TMEM171: variants seen among roughly 807,000 people sequenced by gnomAD.
TMEM171 encodes transmembrane protein 171.
In TMEM171, 16 loss-of-function variants were observed where a neutral mutation model predicts 19.1. That is an observed-to-expected ratio of 0.84 (90% CI 0.57 to 1.27). The LOEUF is 1.27. Among genes scored for constraint, TMEM171 ranks in the 50% most tolerant of loss-of-function variants. The pLI, the probability that TMEM171 is intolerant of heterozygous loss-of-function variation, is 0.00. For missense variants in TMEM171, 429 were observed against 412.7 expected (o/e 1.04, Z -0.34); for synonymous variants, 153 against 163.4 (o/e 0.94, Z 0.48).
intron 2 of TMEM171, among the ~76,000 whole-genome samples, chr5:73,127,729 G>A (rs1744213501): frequency 2.1e-5 from 3 of 142,292 alleles, no homozygotes; most frequent in Admixed American, 2.1e-4. Flanking sequence ...ACAGGCGTGA[G>A]CCACCACGCC....
At position 73,120,633 on chromosome 5, in the gene TMEM171, C is replaced by T. The variant is rs893620430; in HGVS notation, c.-132C>T. On this transcript the variant is annotated 5_prime_UTR_variant, in exon 1 of 4. Coordinates refer to ENST00000454765, the MANE Select transcript of TMEM171 (RefSeq NM_173490.8). Reference sequence around the variant, plus strand: ...GCGCAGCCGAGGCCGCGTGCGGAGGCGGACGCCGCGCCCAGCCAGTGCCCA... The same window carrying T: ...GCGCAGCCGAGGCCGCGTGCGGAGGTGGACGCCGCGCCCAGCCAGTGCCCA... 15 of 984,674 alleles carry T rather than the reference C, an allele frequency of 1.5e-5. No homozygotes were observed. In the African/African-American group the frequency reaches 2.3e-4, roughly 15 times the overall value. The allele number at this position is 984,674 out of a possible 1,614,324, so 61.0% of individuals were successfully genotyped here.
chr5:73,128,295 A>G (rs1220398794), intron 2 of TMEM171, 95 bp from the exon 3 acceptor site: 2 of 1,479,642 alleles, frequency 1.4e-6, no homozygotes, highest in East Asian at 2.3e-5. Context: ...TTGACCTTTT[A>G]TATAGATGGG....
Position 73,123,846 on chromosome 5 carries a change from G to C in TMEM171, c.473G>C (p.Cys158Ser). 6.2e-7 allele frequency: 1 copy of C among 1,613,778 alleles called. No homozygotes were observed. The change falls in exon 2 of 4, where the codon TGT (cysteine) becomes TCT (serine). Residue 158 changes from cysteine to serine, a missense_variant. Transcript: ENST00000454765. ...TDTGDSEPRM[C>S]GFLSLQIMGP... ...ACTGGCGACTCAGAGCCCCGGATGTGTGGGTTCCTTTCTCTGCAGATCATG... is the reference window on the plus strand; with the variant it reads ...ACTGGCGACTCAGAGCCCCGGATGTCTGGGTTCCTTTCTCTGCAGATCATG...
chr5:73,128,985 C>T (rs144173770), intron 3 of TMEM171, among the ~76,000 whole-genome samples: 43 of 152,218 alleles, frequency 2.8e-4, no homozygotes, highest in African/African-American at 8.7e-4. Context: ...CCTAGCTACT[C>T]GGGAGGCTGA....
chr5:73,127,384 A>AATATATATATATATATATAT (rs59879336), intron 2 of TMEM171, among the ~76,000 whole-genome samples: 26 of 81,650 alleles, frequency 3.2e-4, no homozygotes, highest in African/African-American at 1.1e-3. Context: ...AAAAAAAAAA[A>AATATATATATATATATATAT]ATATATATAT....
At chr5:73,127,983 G>A (rs1744224170) in intron 2 of TMEM171, among the ~76,000 whole-genome samples, 1 of 152,088 alleles carries the variant, frequency 6.6e-6, no homozygotes, top group Non-Finnish European at 1.5e-5. Context: ...GGGCTCAAGC[G>A]ATCCTTCCTC....
At position 73,128,511 on chromosome 5, in the gene TMEM171, T is replaced by C. The variant is rs1465041764; in HGVS notation, c.762T>C (p.Tyr254=). Reference sequence around the variant, plus strand: ...TTCCGAATGAAAACCCCCCTTCATATTACAGTATTTTCAACTATGGGTAAG... The same window carrying C: ...TTCCGAATGAAAACCCCCCTTCATACTACAGTATTTTCAACTATGGGTAAG... ...SLLPNENPPS[Y]YSIFNYGRTP... Residue 254 remains tyrosine (Y), a synonymous_variant, in exon 3 of 4, where the codon TAT becomes TAC. Coordinates refer to ENST00000454765, the MANE Select transcript of TMEM171 (RefSeq NM_173490.8). 1 of 1,614,144 alleles carries C rather than the reference T, an allele frequency of 6.2e-7. No individual in the cohort carries two copies. The highest frequency in any genetic ancestry group is 8.5e-7 in the Non-Finnish European group (1 of 1,180,020).
chr5:73,128,254 C>A (rs1744233691), intron 2 of TMEM171, 136 bp from the exon 3 acceptor site: 2 of 1,029,438 alleles, frequency 1.9e-6, no homozygotes, highest in Non-Finnish European at 2.9e-6. Context: ...AATGGGCTTA[C>A]TTTTAAATTT....
chr5:73,127,738 CCTGG>C (rs1410610955), intron 2 of TMEM171, among the ~76,000 whole-genome samples: 8 of 138,752 alleles, frequency 5.8e-5, no homozygotes, highest in Non-Finnish European at 1.1e-4. Flanking sequence ...AGCCACCACG[CCTGG>C]CTTTTTTTTT....
In TMEM171 at chr5:73,127,735, A is replaced by T. The variant is rs539863926; in HGVS notation, c.641-655A>T. 4.1e-4 allele frequency among the ~76,000 whole-genome samples: 52 copies of T among 125,330 alleles called. No individual in the cohort carries two copies. The South Asian group carries it at 4.9e-3, about 12-fold the overall frequency. 82.2% of individuals were successfully genotyped at this position (125,330 alleles called of 152,430 possible). The stretch of plus-strand genomic sequence containing the variant: ...GCTGGGATTACAGGCGTGAGCCACC[A>T]CGCCTGGCTTTTTTTTTTTTTTTAA... On this transcript the variant is annotated intron_variant, in intron 2 of 3. Transcript: ENST00000454765.
rs140992763 is a variant in TMEM171, at chr5:73,129,114, A to G, written c.782+583A>G. On this transcript the variant is annotated intron_variant, in intron 3 of 3. Transcript: ENST00000454765. ...CTGGACAAAATGCACAAACGAAGCA[A>G]GGAAAGAATGAAGCAACAAAAGCAA... Among the ~76,000 whole-genome samples, 296 of 152,350 alleles carry G rather than the reference A, an allele frequency of 1.9e-3. 2 individuals are homozygous for G. The highest frequency in any genetic ancestry group is 6.9e-3 in the African/African-American group (287 of 41,580).
Position 73,123,668 on chromosome 5 carries a change from C to G in TMEM171, c.295C>G (p.Arg99Gly), listed in dbSNP as rs146940706. Residue 99 changes from arginine (R) to glycine (G), a missense_variant, in exon 2 of 4, where the codon CGA becomes GGA. Coordinates refer to ENST00000454765, the MANE Select transcript of TMEM171 (RefSeq NM_173490.8). ...LQRGQQMDPD[R>G]AFICGESRQF... The stretch of plus-strand genomic sequence containing the variant: ...GAGAGGTCAGCAGATGGACCCCGAC[C>G]GAGCCTTCATCTGTGGAGAGAGCCG... 9.8e-5 allele frequency: 159 copies of G among 1,614,224 alleles called. No individual in the cohort carries two copies. In the African/African-American group the frequency reaches 1.9e-3, roughly 19 times the overall value.
chr5:73,131,623 G>C lies in TMEM171; in HGVS notation c.868G>C (p.Ala290Pro). The change falls in exon 4 of 4, where the codon GCC (alanine) becomes CCC (proline). Residue 290 changes from alanine (A) to proline (P), a missense_variant. Physicochemically the swap from Ala to Pro is conservative, Grantham distance 27 (BLOSUM62 -1). Transcript: ENST00000454765. ...TTCTGGGACGAATTCATCTTCTGAG[G>C]CCTCACACACTCCACATCTTCCATC... ...TISGTNSSSE[A>P]SHTPHLPSEL... 1 of 1,613,606 alleles carries C rather than the reference G, an allele frequency of 6.2e-7. No individual in the cohort carries two copies. Among genetic ancestry groups the C allele is most frequent in the Non-Finnish European group, 8.5e-7 (1 of 1,179,902 alleles).
chr5:73,126,052 C>G (rs76042614), intron 2 of TMEM171, among the ~76,000 whole-genome samples: 1 of 152,164 alleles, frequency 6.6e-6, no homozygotes, highest in Non-Finnish European at 1.5e-5. Flanking sequence ...TGAAAGGGAA[C>G]TCGCAGAGGA....
chr5:73,124,649 G>A (rs566774617), intron 2 of TMEM171, among the ~76,000 whole-genome samples: 17 of 152,242 alleles, frequency 1.1e-4, no homozygotes, highest in South Asian at 1.0e-3. Flanking sequence ...GACATCATCC[G>A]TGGCTGCAGG....
chr5:73,130,523 T>G (rs1744303837), intron 3 of TMEM171, among the ~76,000 whole-genome samples: 1 of 152,018 alleles, frequency 6.6e-6, no homozygotes, highest in Admixed American at 6.5e-5. Flanking sequence ...AGGAACTCCC[T>G]CTCCACCCTG....
intron 3 of TMEM171, 89 bp downstream of exon 3, chr5:73,128,620 TGTGA>T: frequency 1.3e-6 from 2 of 1,499,092 alleles, no homozygotes; most frequent in Non-Finnish European, 1.8e-6. Context: ...GGCATTCAAG[TGTGA>T]GTATCTTTTT....
rs762788903 is a variant in TMEM171 at position 73,123,704 on chromosome 5, C to T, written c.331C>T (p.Gln111Ter). The T allele has an allele frequency of 6.2e-7, 1 of 1,614,246 alleles. No individual in the cohort carries two copies. Among genetic ancestry groups the T allele is most frequent in the Non-Finnish European group, 8.5e-7 (1 of 1,180,048 alleles). Residue 111 changes from glutamine (Q) to a stop codon, truncating the protein, a stop_gained, in exon 2 of 4, where the codon CAG (glutamine) becomes TAG (stop). Transcript: ENST00000454765. LOFTEE classifies it high-confidence loss of function. Reference protein sequence around the residue: ...FICGESRQFAQCLIFGFLFLT... With the variant: ...FICGESRQFA ...CTGTGGAGAGAGCCGCCAGTTTGCC[C>T]AGTGCCTTATCTTTGGGTTTCTGTT... is the stretch of plus-strand genomic sequence containing the variant.
intron 2 of TMEM171, among the ~76,000 whole-genome samples, chr5:73,127,384 A>AAAAATATATATATATATATATATATAT: frequency 2.7e-4 from 22 of 81,644 alleles, no homozygotes; most frequent in African/African-American, 1.1e-3. Context: ...AAAAAAAAAA[A>AAAAATATATATATATATATATATATAT]ATATATATAT....
Sources: gnomAD v4.1 joint callset for allele counts (sites outside exome capture counted in the v4.1 genomes callset) on GRCh38, gnomAD v4.1.1 for gene constraint, MANE v1.5 for transcripts, NCBI Gene and HGNC (gene_info 2026-07-23, HGNC 2026-07-21) for gene names.